Variants in WDR35 observed in about 807,000 individuals in gnomAD.
WDR35 encodes WD repeat domain 35.
WDR35 carries 118 observed loss-of-function variants against 158.3 expected under a neutral mutation model. The observed-to-expected ratio is 0.75, with a 90% CI of 0.64 to 0.87. The LOEUF (loss-of-function observed/expected upper bound fraction) is 0.87, where lower values mean the gene tolerates loss of function less well. Among genes scored for constraint, WDR35 ranks in the 40% least tolerant of loss-of-function variants. The pLI, the probability that WDR35 is intolerant of heterozygous loss-of-function variation, is 0.00. For synonymous variants in WDR35, 448 were observed against 476.1 expected, an observed-to-expected ratio of 0.94 and a Z score of 0.77; for missense variants, 1,263 against 1,405.8, an observed-to-expected ratio of 0.90 and a Z score of 1.62.
intron 20 of WDR35, 75 bp from the exon 21 acceptor site, chr2:19,935,678 G>A: frequency 3.3e-6 from 5 of 1,534,490 alleles, no homozygotes; most frequent in Non-Finnish European, 4.4e-6. Context: ...CAACCAAAAT[G>A]TTCCTTCATC....
chr2:19,983,497 A>T (rs1008405011), intron 2 of WDR35, among the ~76,000 whole-genome samples: 1 of 152,248 alleles, frequency 6.6e-6, no homozygotes, highest in Non-Finnish European at 1.5e-5. Flanking sequence ...CCTACAGAGA[A>T]TATTAAAATG....
intron 2 of WDR35, among the ~76,000 whole-genome samples, chr2:19,985,580 T>TAAAAAA (rs532102922): frequency 8.6e-6 from 1 of 116,526 alleles, no homozygotes; most frequent in African/African-American, 3.2e-5. Context: ...CTGGTCCCTT[T>TAAAAAA]AAAAAAAAAA....
At chr2:19,928,351 C>A (rs1306692241) in intron 25 of WDR35, among the ~76,000 whole-genome samples, 1 of 152,192 alleles carries the variant, frequency 6.6e-6, no homozygotes. Flanking sequence ...GACTGGCTTG[C>A]TGTTAATAAA....
intron 22 of WDR35, among the ~76,000 whole-genome samples, chr2:19,932,913 G>A (rs184125715): frequency 5.9e-5 from 9 of 152,164 alleles, no homozygotes; most frequent in Non-Finnish European, 8.8e-5. Flanking sequence ...CTATAATAAC[G>A]CTGTACTTTT....
In WDR35 at chr2:19,960,539, T is replaced by C; in HGVS notation, c.1255+15A>G. 6.3e-7 allele frequency: 1 copy of C among 1,584,888 alleles called. No homozygotes were observed. Among genetic ancestry groups the C allele is most frequent in the African/African-American group, 1.3e-5 (1 of 74,364 alleles). ...AACCTGATTGGAAAAGAAATAAATA[T>C]CAACATTTCCTTACCAATATCAATG... On this transcript the variant is annotated intron_variant, in intron 11 of 26. Transcript: ENST00000281405.
Position 19,986,512 on chromosome 2 carries a change from T to TA in WDR35, c.142+2652dup, listed in dbSNP as rs537540911. On this transcript the variant is annotated intron_variant, in intron 2 of 26. Transcript: ENST00000281405. Reference sequence around the variant, plus strand: ...AGTACGTCTAAATATAACAATAACTTAAACATTCTGAATTCTCTTGTCTGG... The same window carrying TA: ...AGTACGTCTAAATATAACAATAACTTAAAACATTCTGAATTCTCTTGTCTGG... Among the ~76,000 whole-genome samples, 71 of 152,342 alleles carry TA rather than the reference T, an allele frequency of 4.7e-4. 2 individuals carry two copies. In the East Asian group the frequency reaches 0.012, roughly 26 times the overall value.
chr2:19,926,509 G>A (rs1670359363), intron 25 of WDR35, among the ~76,000 whole-genome samples: 1 of 152,224 alleles, frequency 6.6e-6, no homozygotes, highest in Non-Finnish European at 1.5e-5. Context: ...ATTCTACACA[G>A]TTAATTGAAA....
chr2:19,936,495 T>G, intron 19 of WDR35, 130 bp from the exon 20 acceptor site: 1 of 1,348,860 alleles, frequency 7.4e-7, no homozygotes, highest in Non-Finnish European at 1.0e-6. Flanking sequence ...TCCAAACACT[T>G]TAGGAACTTA....
rs985507134 is a variant in WDR35, at chr2:19,934,652, C to T, written c.2547+819G>A. 6.6e-6 allele frequency among the ~76,000 whole-genome samples: 1 copy of T among 152,106 alleles called. No homozygotes were observed. The highest frequency in any genetic ancestry group is 1.5e-5 in the Non-Finnish European group (1 of 68,028). ...ATCATCAGACACATCTAACAGACAA[C>T]ACTAACGGAGTATACACTCTTCCCT... On this transcript the variant is annotated intron_variant, in intron 21 of 26. Coordinates refer to ENST00000281405, the MANE Select transcript of WDR35 (RefSeq NM_020779.4). This position sits in a 1 kb window ranked among gnomAD's most constrained non-coding sequence, Gnocchi z 4.6.
rs1406015565 is a variant in WDR35 at position 19,913,110 on chromosome 2, TTTCA to T, written c.*444_*447del. ...TAAATATGGCTATAGAGAAAGCTCA[TTTCA>T]TTATTACAATTGTTTAACTTCCTTG... On this transcript the variant is annotated 3_prime_UTR_variant, in exon 27 of 27. Transcript: ENST00000281405. The T allele has an allele frequency of 1.9e-5, 3 of 156,486 alleles. No homozygotes were observed. Among genetic ancestry groups the T allele is most frequent in the African/African-American group, 7.2e-5 (3 of 41,484 alleles). 9.7% of individuals were successfully genotyped at this position (156,486 alleles called of 1,614,324 possible).
intron 10 of WDR35, among the ~76,000 whole-genome samples, chr2:19,963,649 CT>C (rs1165146695): frequency 6.6e-6 from 1 of 152,160 alleles, no homozygotes; most frequent in Non-Finnish European, 1.5e-5. Flanking sequence ...CCTAAAGTAA[CT>C]TCCTAAGATA....
At chr2:19,974,750 G>T in intron 6 of WDR35, 117 bp from the exon 7 acceptor site, 3 of 980,484 alleles carry the variant, frequency 3.1e-6, no homozygotes, top group Non-Finnish European at 4.4e-6. Context: ...AAATCAGGTG[G>T]CAAATTAAAG....
At chr2:19,935,012 AAAGC>A (rs1455703445) in intron 21 of WDR35, 1 of 153,946 alleles carries the variant, frequency 6.5e-6, no homozygotes, top group Admixed American at 6.5e-5. Context: ...AGAACATTTG[AAAGC>A]AAGAGAACTC....
At chr2:19,935,350 TA>T in intron 21 of WDR35, 120 bp downstream of exon 21, 1 of 1,089,344 alleles carries the variant, frequency 9.2e-7, no homozygotes, top group Non-Finnish European at 1.3e-6. Context: ...ATTCCATGTC[TA>T]AGAAACTGTA....
In WDR35 at chr2:19,966,547, T is replaced by C. The variant is rs113424228; in HGVS notation, c.1194+177A>G. Among the ~76,000 whole-genome samples the C allele has an allele frequency of 2.4e-4, 36 of 151,912 alleles. 1 individual carries two copies. The highest frequency in any genetic ancestry group is 8.2e-4 in the African/African-American group (34 of 41,458). On this transcript the variant is annotated intron_variant, in intron 10 of 26. Transcript: ENST00000281405. Reference sequence around the variant, plus strand: ...ATTAGCTGCTTGAAGAAAAAAAAAATCAGGGACACAGCATCAATGGAGTCA... The same window carrying C: ...ATTAGCTGCTTGAAGAAAAAAAAAACCAGGGACACAGCATCAATGGAGTCA...
At chr2:19,915,986 T>C (rs1416191091) in intron 25 of WDR35, among the ~76,000 whole-genome samples, 1 of 151,178 alleles carries the variant, frequency 6.6e-6, no homozygotes, top group Non-Finnish European at 1.5e-5. Context: ...AGCTCTGGTC[T>C]GCAGCTCCCA....
chr2:19,944,067 T>G (rs1374404977), intron 16 of WDR35, among the ~76,000 whole-genome samples: 1 of 152,038 alleles, frequency 6.6e-6, no homozygotes, highest in African/African-American at 2.4e-5. Context: ...TTCCCTGCTT[T>G]GAAGAGATCA....
Position 19,934,436 on chromosome 2 carries a change from C to T in WDR35, c.2548-925G>A, listed in dbSNP as rs2103401346. The stretch of plus-strand genomic sequence containing the variant: ...ATCACACAATACACAATTTTGTATC[C>T]TGTATTTCCTACTTAAATATTATGT... On this transcript the variant is annotated intron_variant, in intron 21 of 26. Coordinates refer to ENST00000281405, the MANE Select transcript of WDR35 (RefSeq NM_020779.4). This position sits in a 1 kb window ranked among gnomAD's most constrained non-coding sequence, Gnocchi z 4.6. Among the ~76,000 whole-genome samples the T allele has an allele frequency of 6.6e-6, 1 of 152,082 alleles. No individual in the cohort carries two copies. Among genetic ancestry groups the T allele is most frequent in the East Asian group, 1.9e-4 (1 of 5,186 alleles).
intron 13 of WDR35, among the ~76,000 whole-genome samples, chr2:19,950,360 A>G (rs1019359870): frequency 1.3e-5 from 2 of 152,228 alleles, no homozygotes; most frequent in Admixed American, 1.3e-4. Flanking sequence ...TCTTCTGGAA[A>G]CCAGAATGCA....
Sources: allele counts gnomAD v4.1 joint callset (sites outside exome capture counted in the v4.1 genomes callset), GRCh38; gene constraint gnomAD v4.1.1; non-coding constraint Gnocchi (gnomAD v3.1); transcripts MANE v1.5; gene names NCBI Gene and HGNC (gene_info 2026-07-23, HGNC 2026-07-21).